BBS9: variants seen among roughly 807,000 people sequenced by gnomAD.
BBS9 encodes Bardet-Biedl syndrome 9, also known as protein PTHB1.
BBS9 carries 89 observed loss-of-function variants against 117.7 expected under a neutral mutation model. The observed-to-expected ratio is 0.76, with a 90% CI of 0.64 to 0.90. The LOEUF (loss-of-function observed/expected upper bound fraction) is 0.90, where lower values mean the gene tolerates loss of function less well. BBS9 is among the 40% of genes least tolerant of loss of function. BBS9 has a pLI of 0.00. For missense variants in BBS9, 982 were observed against 1,042.2 expected (o/e 0.94, Z 0.80); for synonymous variants, 379 against 370.9 (o/e 1.02, Z -0.25).
chr7:33,500,158 C>A (rs964903018), intron 19 of BBS9, among the ~76,000 whole-genome samples: 1 of 152,192 alleles, frequency 6.6e-6, no homozygotes, highest in African/African-American at 2.4e-5. Flanking sequence ...CAGAAACCAG[C>A]CAATTTGAAT....
At chr7:33,620,458 A>G (rs1865349227) in intron 21 of BBS9, among the ~76,000 whole-genome samples, 1 of 152,090 alleles carries the variant, frequency 6.6e-6, no homozygotes, top group Non-Finnish European at 1.5e-5. Context: ...TCTATACACT[A>G]ACAAGAAACT....
intron 5 of BBS9, among the ~76,000 whole-genome samples, chr7:33,218,985 G>A (rs548268574): frequency 5.9e-5 from 9 of 152,230 alleles, no homozygotes; most frequent in East Asian, 1.9e-4. Context: ...GGAGAGGCGC[G>A]AGCGGGAACC....
intron 19 of BBS9, among the ~76,000 whole-genome samples, chr7:33,473,465 AG>A (rs1328209919): frequency 6.6e-6 from 1 of 152,048 alleles, no homozygotes; most frequent in Non-Finnish European, 1.5e-5. Flanking sequence ...CTGGGATTAC[AG>A]GGACCCGACA....
chr7:33,188,631 G>C (rs1449373547), intron 5 of BBS9, among the ~76,000 whole-genome samples: 1 of 152,222 alleles, frequency 6.6e-6, no homozygotes, highest in Non-Finnish European at 1.5e-5. Context: ...AGGGAAGGGA[G>C]AGATTCCAAG....
intron 5 of BBS9, among the ~76,000 whole-genome samples, chr7:33,227,298 C>T (rs917006510): frequency 6.6e-6 from 1 of 151,880 alleles, no homozygotes; most frequent in African/African-American, 2.4e-5. Flanking sequence ...CAGGCACACG[C>T]CACCATGCCT....
At chr7:33,424,965 A>T (rs1833438654) in intron 19 of BBS9, among the ~76,000 whole-genome samples, 1 of 152,184 alleles carries the variant, frequency 6.6e-6, no homozygotes, top group Admixed American at 6.5e-5. Context: ...TTAATATTTT[A>T]AAAATGTTTA....
chr7:33,419,907 A>G (rs573825474), intron 19 of BBS9, among the ~76,000 whole-genome samples: 1 of 152,184 alleles, frequency 6.6e-6, no homozygotes, highest in African/African-American at 2.4e-5. Context: ...AAAAGAAAAC[A>G]AAAAATTGGT....
At chr7:33,294,248 A>AAC (rs1392488119) in intron 9 of BBS9, among the ~76,000 whole-genome samples, 2 of 151,882 alleles carry the variant, frequency 1.3e-5, no homozygotes, top group Non-Finnish European at 2.9e-5. Context: ...CCATATGCCA[A>AAC]ACACACACAC....
chr7:33,455,399 CAGG>C (rs1563200157), intron 19 of BBS9, among the ~76,000 whole-genome samples: 1 of 152,150 alleles, frequency 6.6e-6, no homozygotes, highest in Non-Finnish European at 1.5e-5. Context: ...GAAAATTTTC[CAGG>C]TAAAATCTTC....
intron 21 of BBS9, among the ~76,000 whole-genome samples, chr7:33,538,556 T>C (rs1229084655): frequency 2.8e-5 from 4 of 144,734 alleles, no homozygotes; most frequent in Admixed American, 1.4e-4. Flanking sequence ...CCATTTCAAC[T>C]GAATTTAAAT....
chr7:33,450,978 T>A (rs1194641493), intron 19 of BBS9, among the ~76,000 whole-genome samples: 2 of 151,924 alleles, frequency 1.3e-5, no homozygotes, highest in African/African-American at 4.8e-5. Context: ...AAGCTCCGCC[T>A]CCTGGGTTCA....
At chr7:33,280,341 T>A (rs1801574516) in intron 9 of BBS9, among the ~76,000 whole-genome samples, 2 of 152,174 alleles carry the variant, frequency 1.3e-5, no homozygotes, top group Admixed American at 1.3e-4. Context: ...CTCCCCACTC[T>A]TGTAGTCGAC....
At chr7:33,590,459 G>GTTTTTTTGTTTTT (rs1554551689) in intron 21 of BBS9, among the ~76,000 whole-genome samples, 22 of 101,484 alleles carry the variant, frequency 2.2e-4, no homozygotes, top group Admixed American at 1.3e-3. Flanking sequence ...TTGTTTTTTT[G>GTTTTTTTGTTTTT]TTTTTTTTTT....
intron 19 of BBS9, chr7:33,390,553 A>G (rs1826882745): frequency 1.0e-6 from 1 of 961,430 alleles, no homozygotes; most frequent in Non-Finnish European, 1.2e-6. Flanking sequence ...GTACCTTGCC[A>G]TTCAATTTTA....
intron 2 of BBS9, 84 bp from the exon 3 acceptor site, chr7:33,152,617 T>G: frequency 7.7e-7 from 1 of 1,305,034 alleles, no homozygotes; most frequent in Non-Finnish European, 1.1e-6. Context: ...AGATTTCTCT[T>G]TTACACATTA....
At chr7:33,276,431 C>T (rs749112743) in intron 9 of BBS9, among the ~76,000 whole-genome samples, 24 of 152,150 alleles carry the variant, frequency 1.6e-4, no homozygotes, top group Non-Finnish European at 2.8e-4. Context: ...ATATTTTAAT[C>T]ACTTGCAAAA....
chr7:33,146,155 A>G (rs1250902554), intron 1 of BBS9, 87 bp from the exon 2 acceptor site: 1 of 899,066 alleles, frequency 1.1e-6, no homozygotes, highest in African/African-American at 1.7e-5. Context: ...TCCTTCTCAG[A>G]TCTGTCCAAG....
chr7:33,460,365 T>C (rs1298536074), intron 19 of BBS9, among the ~76,000 whole-genome samples: 1 of 152,146 alleles, frequency 6.6e-6, no homozygotes, highest in Non-Finnish European at 1.5e-5. Flanking sequence ...ATGCCCATAA[T>C]TGATTGACGT....
intron 19 of BBS9, among the ~76,000 whole-genome samples, chr7:33,459,316 C>T (rs1584906333): frequency 2.0e-5 from 3 of 151,926 alleles, no homozygotes; most frequent in Admixed American, 2.0e-4. Flanking sequence ...GACTCCGGGA[C>T]ATTTGGCAAA....
Sources: gnomAD v4.1 joint callset for allele counts (sites outside exome capture counted in the v4.1 genomes callset) on GRCh38, gnomAD v4.1.1 for gene constraint, MANE v1.5 for transcripts, NCBI Gene and HGNC (gene_info 2026-07-23, HGNC 2026-07-21) for gene names.